The following KCNIP4 variants were observed in gnomAD, a reference collection of about 807,000 sequenced individuals.
KCNIP4 encodes Kv channel-interacting protein 4.
KCNIP4 carries 12 observed loss-of-function variants against 34.0 expected under a neutral mutation model. The observed-to-expected ratio is 0.35, with a 90% CI of 0.23 to 0.57. The LOEUF is 0.57. Ranked by LOEUF, KCNIP4 falls within the 20% of genes least tolerant of loss-of-function variation. The probability of loss-of-function intolerance (pLI) is 0.83; values close to 1 mark genes in which losing one functional copy is unlikely to be tolerated. For missense variants in KCNIP4, 238 were observed against 311.7 expected (o/e 0.76, Z 1.78); for synonymous variants, 124 against 102.2 (o/e 1.21, Z -1.29).
chr4:21,929,240 G>A (rs979590517), intron 1 of KCNIP4, among the ~76,000 whole-genome samples: 8 of 152,076 alleles, frequency 5.3e-5, no homozygotes, highest in Non-Finnish European at 1.2e-4. Context: ...TGTAACTGCA[G>A]AGGAGAGGCG....
At chr4:21,129,354 C>A (rs1330549503) in intron 1 of KCNIP4, among the ~76,000 whole-genome samples, 1 of 152,178 alleles carries the variant, frequency 6.6e-6, no homozygotes, top group African/African-American at 2.4e-5. Context: ...GCACTCAGGA[C>A]AAAGTAGACA....
At chr4:21,337,222 T>C (rs1270397943) in intron 1 of KCNIP4, among the ~76,000 whole-genome samples, 1 of 152,192 alleles carries the variant, frequency 6.6e-6, no homozygotes, top group Non-Finnish European at 1.5e-5. Flanking sequence ...TGATTTTTAT[T>C]ATGTCAAACT....
At chr4:21,832,882 T>A (rs973354501) in intron 1 of KCNIP4, among the ~76,000 whole-genome samples, 2 of 151,498 alleles carry the variant, frequency 1.3e-5, no homozygotes, top group East Asian at 2.0e-4. Flanking sequence ...AGAATGATGA[T>A]TTCCAATTTC....
At chr4:21,658,712 T>C (rs1422901409) in intron 1 of KCNIP4, among the ~76,000 whole-genome samples, 1 of 152,188 alleles carries the variant, frequency 6.6e-6, no homozygotes, top group African/African-American at 2.4e-5. Context: ...ACATAGTGCA[T>C]ATCCTTTAAT....
At chr4:20,905,522 T>TTTTTTTTTTTTTTTTTTTTTTTTTTTTG (rs768668990) in intron 1 of KCNIP4, among the ~76,000 whole-genome samples, 8 of 111,186 alleles carry the variant, frequency 7.2e-5, no homozygotes, top group Non-Finnish European at 1.1e-4. Context: ...TTTTTTTTTT[T>TTTTTTTTTTTTTTTTTTTTTTTTTTTTG]TTTGTTTGAG....
intron 1 of KCNIP4, among the ~76,000 whole-genome samples, chr4:20,951,921 A>G (rs1732826246): frequency 6.6e-6 from 1 of 152,234 alleles, no homozygotes; most frequent in Non-Finnish European, 1.5e-5. Flanking sequence ...TATAAAGTAA[A>G]TTTGTTAAAA....
intron 1 of KCNIP4, among the ~76,000 whole-genome samples, chr4:21,382,424 A>G (rs1577270709): frequency 6.6e-6 from 1 of 152,336 alleles, no homozygotes; most frequent in South Asian, 2.1e-4. Context: ...ATATCAAAGG[A>G]GCAGTATAAT....
At chr4:21,794,057 G>A (rs188856931) in intron 1 of KCNIP4, among the ~76,000 whole-genome samples, 76 of 152,248 alleles carry the variant, frequency 5.0e-4, no homozygotes, top group Non-Finnish European at 8.7e-4. Flanking sequence ...CTCACTCATA[G>A]GTGGGAATTG....
intron 1 of KCNIP4, among the ~76,000 whole-genome samples, chr4:21,204,974 A>G (rs1418538373): frequency 6.6e-6 from 1 of 152,206 alleles, no homozygotes; most frequent in Non-Finnish European, 1.5e-5. Flanking sequence ...ATTGCTACCA[A>G]TGAGAGTTAT....
chr4:21,531,935 C>T (rs1285412394), intron 1 of KCNIP4, among the ~76,000 whole-genome samples: 1 of 151,804 alleles, frequency 6.6e-6, no homozygotes, highest in East Asian at 1.9e-4. Flanking sequence ...GCTTTCAAGC[C>T]TTGATGTAAA....
In KCNIP4 at chr4:21,019,098, C is replaced by A. The variant is rs182824282; in HGVS notation, c.62-136389G>T. The stretch of plus-strand genomic sequence containing the variant: ...TGGCTTACAGATTATGATCTTCACC[C>A]TGTGTCTACACATTGTCTTCCCTCT... On this transcript the variant is annotated intron_variant, in intron 1 of 8. Transcript: ENST00000382152. Among the ~76,000 whole-genome samples the A allele has an allele frequency of 1.9e-3, 288 of 152,274 alleles. 6 individuals are homozygous for A. The South Asian group carries it at 0.053, about 28-fold the overall frequency.
intron 1 of KCNIP4, among the ~76,000 whole-genome samples, chr4:21,263,768 C>T (rs186412787): frequency 2.0e-5 from 3 of 152,198 alleles, no homozygotes; most frequent in Admixed American, 6.5e-5. Flanking sequence ...GTGATCCTCA[C>T]CCTCAGCCCC....
chr4:21,699,226 A>T (rs1294507463), intron 1 of KCNIP4, among the ~76,000 whole-genome samples: 1 of 152,232 alleles, frequency 6.6e-6, no homozygotes, highest in Non-Finnish European at 1.5e-5. Context: ...GAGTAAAATA[A>T]GATAGGGAAT....
intron 1 of KCNIP4, among the ~76,000 whole-genome samples, chr4:21,153,999 A>G (rs953962713): frequency 1.3e-5 from 2 of 152,118 alleles, no homozygotes; most frequent in Non-Finnish European, 2.9e-5. Flanking sequence ...AAAATGGAAA[A>G]AAAAGGTAAG....
At chr4:20,833,359 C>G (rs1718652915) in intron 3 of KCNIP4, among the ~76,000 whole-genome samples, 1 of 152,090 alleles carries the variant, frequency 6.6e-6, no homozygotes, top group African/African-American at 2.4e-5. Flanking sequence ...GTGGCACATG[C>G]CTGTAGTCCC....
intron 1 of KCNIP4, among the ~76,000 whole-genome samples, chr4:21,207,379 T>C (rs1166146863): frequency 6.6e-6 from 1 of 152,204 alleles, no homozygotes; most frequent in Non-Finnish European, 1.5e-5. Flanking sequence ...ATATTTTATG[T>C]AGGTGATGGG....
intron 3 of KCNIP4, among the ~76,000 whole-genome samples, chr4:20,793,983 C>A (rs777929936): frequency 1.3e-5 from 2 of 152,080 alleles, no homozygotes; most frequent in Non-Finnish European, 2.9e-5. Context: ...TCATGTTGTT[C>A]TCATAATAGT....
intron 1 of KCNIP4, among the ~76,000 whole-genome samples, chr4:21,433,584 C>T (rs1726689797): frequency 6.6e-6 from 1 of 152,176 alleles, no homozygotes; most frequent in African/African-American, 2.4e-5. Context: ...AATAAATACT[C>T]ATTGTAGTTT....
At chr4:20,871,250 C>A (rs552916052) in intron 2 of KCNIP4, among the ~76,000 whole-genome samples, 1 of 152,122 alleles carries the variant, frequency 6.6e-6, no homozygotes, top group East Asian at 1.9e-4. Context: ...ATGGAAGAGT[C>A]ACCAATTGGA....
Sources: allele counts gnomAD v4.1 joint callset (sites outside exome capture counted in the v4.1 genomes callset), GRCh38; gene constraint gnomAD v4.1.1; transcripts MANE v1.5; gene names NCBI Gene and HGNC (gene_info 2026-07-23, HGNC 2026-07-21).